Variants in LTBP1 observed in about 807,000 individuals in gnomAD.
LTBP1 encodes latent-transforming growth factor beta-binding protein 1.
A neutral mutation model predicts 207.6 loss-of-function variants in LTBP1; 129 were observed. The ratio of observed to expected loss-of-function variants is 0.62; its 90% CI spans 0.54 to 0.72. The LOEUF (loss-of-function observed/expected upper bound fraction) is 0.72. Ranked by LOEUF, LTBP1 falls within the 30% of genes least tolerant of loss-of-function variation. LTBP1 has a pLI of 0.00. For synonymous variants in LTBP1, 963 were observed against 833.7 expected (o/e 1.16, Z -2.67); for missense variants, 2,281 against 2,217.2 (o/e 1.03, Z -0.58).
chr2:33,370,673 G>A (rs1306117509), intron 31 of LTBP1, among the ~76,000 whole-genome samples: 1 of 152,176 alleles, frequency 6.6e-6, no homozygotes, highest in East Asian at 1.9e-4. Flanking sequence ...TAAATATACT[G>A]TTCCCGGATA....
intron 7 of LTBP1, among the ~76,000 whole-genome samples, chr2:33,216,787 T>C (rs773122382): frequency 1.3e-5 from 2 of 152,134 alleles, no homozygotes; most frequent in Admixed American, 1.3e-4. Flanking sequence ...CCTCACCCCA[T>C]TGAGGTGGTC....
intron 3 of LTBP1, among the ~76,000 whole-genome samples, chr2:33,027,000 G>A (rs1463899819): frequency 2.0e-5 from 3 of 152,164 alleles, no homozygotes; most frequent in South Asian, 4.1e-4. Context: ...AGTTCTGCCT[G>A]TGTTTGAACT....
chr2:33,380,238 A>G (rs2095196299), intron 31 of LTBP1, among the ~76,000 whole-genome samples: 3 of 152,112 alleles, frequency 2.0e-5, no homozygotes. Flanking sequence ...ACAGGTTTCA[A>G]AGACAAATTG....
intron 26 of LTBP1, among the ~76,000 whole-genome samples, chr2:33,347,989 C>G (rs1319581366): frequency 6.6e-6 from 1 of 152,152 alleles, no homozygotes; most frequent in Admixed American, 6.5e-5. Flanking sequence ...AGAATTTGGC[C>G]TAGAGAGTAG....
intron 3 of LTBP1, among the ~76,000 whole-genome samples, chr2:33,073,288 T>TG (rs1156512610): frequency 3.3e-5 from 5 of 150,702 alleles, no homozygotes; most frequent in African/African-American, 1.2e-4. Flanking sequence ...TTTTTTTTGT[T>TG]TTTGTTTTTT....
chr2:33,206,107 A>G (rs1334336499), intron 7 of LTBP1, among the ~76,000 whole-genome samples: 2 of 152,350 alleles, frequency 1.3e-5, no homozygotes, highest in East Asian at 1.9e-4. Context: ...TGGGGAAACA[A>G]GTGGCTCTTT....
At chr2:32,957,953 A>C (rs1678360649) in intron 2 of LTBP1, among the ~76,000 whole-genome samples, 1 of 151,980 alleles carries the variant, frequency 6.6e-6, no homozygotes, top group South Asian at 2.1e-4. Context: ...GTGTGGTTAT[A>C]AGAAGGAAGT....
intron 32 of LTBP1, among the ~76,000 whole-genome samples, chr2:33,396,629 G>A (rs1016444690): frequency 2.0e-5 from 3 of 152,122 alleles, no homozygotes; most frequent in South Asian, 4.1e-4. Context: ...GGCTCATTCC[G>A]TAGCCAGAGC....
intron 19 of LTBP1, among the ~76,000 whole-genome samples, chr2:33,283,902 C>T (rs1257801318): frequency 6.6e-6 from 1 of 152,180 alleles, no homozygotes; most frequent in East Asian, 1.9e-4. Context: ...CATGTTTTTA[C>T]ATTGTTATAA....
chr2:33,050,468 A>G (rs184955108), intron 3 of LTBP1, among the ~76,000 whole-genome samples: 3 of 152,096 alleles, frequency 2.0e-5, no homozygotes, highest in African/African-American at 4.8e-5. Context: ...AGTACACACA[A>G]CTCACCTGTA....
intron 3 of LTBP1, among the ~76,000 whole-genome samples, chr2:33,051,847 T>C (rs1224802743): frequency 6.6e-6 from 1 of 152,230 alleles, no homozygotes; most frequent in Admixed American, 6.5e-5. Flanking sequence ...AGAAGGCCTA[T>C]CAACTCTCCC....
chr2:33,306,921 C>G (rs1306942425), intron 22 of LTBP1, among the ~76,000 whole-genome samples: 2 of 152,058 alleles, frequency 1.3e-5, no homozygotes, highest in Non-Finnish European at 2.9e-5. Context: ...AACCCCGTCT[C>G]TACTAAAAAT....
At chr2:33,158,311 A>G (rs2084172728) in intron 5 of LTBP1, among the ~76,000 whole-genome samples, 1 of 152,174 alleles carries the variant, frequency 6.6e-6, no homozygotes, top group Non-Finnish European at 1.5e-5. Context: ...TCCAGGGATT[A>G]AGTAGTTACA....
At chr2:33,381,102 G>A (rs2150388966) in intron 31 of LTBP1, among the ~76,000 whole-genome samples, 1 of 152,256 alleles carries the variant, frequency 6.6e-6, no homozygotes, top group East Asian at 1.9e-4. Context: ...GTGTTGTTCA[G>A]TCTTGTCTCT....
At chr2:33,271,796 A>G (rs915128626) in intron 15 of LTBP1, among the ~76,000 whole-genome samples, 1 of 151,972 alleles carries the variant, frequency 6.6e-6, no homozygotes, top group African/African-American at 2.4e-5. Flanking sequence ...ACAAATAAGC[A>G]TTTTCCTATC....
chr2:33,186,416 AG>A (rs1405159669), intron 5 of LTBP1, among the ~76,000 whole-genome samples: 7 of 152,298 alleles, frequency 4.6e-5, no homozygotes, highest in Admixed American at 4.6e-4. Flanking sequence ...CTAGGTGCCA[AG>A]GATGTTAAGG....
At chr2:33,365,624 C>A in intron 31 of LTBP1, 121 bp downstream of exon 31, 1 of 832,228 alleles carries the variant, frequency 1.2e-6, no homozygotes, top group Non-Finnish European at 1.8e-6. Flanking sequence ...TTACTTTCAT[C>A]CCGTGTGTGT....
At chr2:33,183,714 C>T (rs146535146) in intron 5 of LTBP1, among the ~76,000 whole-genome samples, 133 of 152,314 alleles carry the variant, frequency 8.7e-4, no homozygotes, top group African/African-American at 2.8e-3. Context: ...ACCCATTACA[C>T]ACTGAGCCTG....
intron 19 of LTBP1, among the ~76,000 whole-genome samples, chr2:33,285,349 T>G (rs1451474826): frequency 6.6e-6 from 1 of 151,844 alleles, no homozygotes; most frequent in Non-Finnish European, 1.5e-5. Context: ...GGTCACATTC[T>G]TCTATATAAC....
Sources: allele counts gnomAD v4.1 joint callset (sites outside exome capture counted in the v4.1 genomes callset), GRCh38; gene constraint gnomAD v4.1.1; transcripts MANE v1.5; gene names NCBI Gene and HGNC (gene_info 2026-07-23, HGNC 2026-07-21).